Variants in CACNA2D4 observed in about 807,000 individuals in gnomAD.
CACNA2D4 encodes the protein voltage-dependent calcium channel subunit alpha-2/delta-4.
CACNA2D4 carries 157 observed loss-of-function variants against 163.8 expected under a neutral mutation model. The observed-to-expected ratio is 0.96, with a 90% confidence interval of 0.84 to 1.09. CACNA2D4 has a LOEUF of 1.09. Among genes scored for constraint, CACNA2D4 ranks in the 50% least tolerant of loss-of-function variants. The pLI is 0.00. For missense variants in CACNA2D4, 1,410 were observed against 1,479.9 expected, an observed-to-expected ratio of 0.95 and a Z score of 0.78; for synonymous variants, 598 against 586.9, an observed-to-expected ratio of 1.02 and a Z score of -0.27.
rs772848392 is a variant in CACNA2D4 at position 1,831,102 on chromosome 12, A to G, written c.2551+9637T>C. On this transcript the variant is annotated intron_variant, in intron 26 of 37. Coordinates refer to ENST00000382722, the MANE Select transcript of CACNA2D4 (RefSeq NM_172364.5). The stretch of plus-strand genomic sequence containing the variant: ...CCGAACCCTCTTGCTCTTGAACAAT[A>G]AGCTGAGTGCCCTGCCAAGCTGGGC... 3.1e-6 allele frequency: 5 copies of G among 1,614,016 alleles called. No individual in the cohort carries two copies. In the East Asian group the frequency reaches 6.7e-5, roughly 22 times the overall value.
intron 6 of CACNA2D4, among the ~76,000 whole-genome samples, chr12:1,897,010 G>T (rs1866424488): frequency 6.6e-6 from 1 of 152,184 alleles, no homozygotes; most frequent in African/African-American, 2.4e-5. Context: ...ACTGGAGGGT[G>T]TTAAGTGAAA....
At chr12:1,827,994 G>C (rs1044167882) in intron 26 of CACNA2D4, 1 of 531,292 alleles carries the variant, frequency 1.9e-6, no homozygotes, top group Non-Finnish European at 3.2e-6. Flanking sequence ...AGTGTAAAGA[G>C]ACACCCGGGC....
chr12:1,913,046 G>A lies in CACNA2D4; in HGVS notation c.403C>T (p.Arg135Trp), dbSNP rs779055186. The A allele has an allele frequency of 9.3e-6, 15 of 1,613,222 alleles. No individual in the cohort carries two copies. Among genetic ancestry groups the A allele is most frequent in the East Asian group, 8.9e-5 (4 of 44,864 alleles). ...KFSEDMENML[R>W]RKVEAVQNLV... The stretch of plus-strand genomic sequence containing the variant: ...ACCTGGACCGCCTCGACTTTCCTCC[G>A]CAGCATGTTCTCCATGTCCTCTGAG... Residue 135 changes from arginine (R) to tryptophan (W), a missense_variant, in exon 3 of 38, where the codon CGG becomes TGG. Coordinates refer to ENST00000382722, the MANE Select transcript of CACNA2D4 (RefSeq NM_172364.5).
At chr12:1,821,014 C>T (rs1476737256) in intron 26 of CACNA2D4, among the ~76,000 whole-genome samples, 2 of 152,224 alleles carry the variant, frequency 1.3e-5, no homozygotes, top group Non-Finnish European at 2.9e-5. Context: ...ACACTGGGAA[C>T]TCTGAGCCCA....
chr12:1,886,356 G>A lies in CACNA2D4; in HGVS notation c.860C>T (p.Thr287Ile), dbSNP rs758601747. 1 of 1,613,876 alleles carries A rather than the reference G, an allele frequency of 6.2e-7. No homozygotes were observed. The highest frequency in any genetic ancestry group is 2.2e-5 in the East Asian group (1 of 44,880). ...RNRGWYIQAATSPKDIVILVD... is the reference protein window; with the variant it reads ...RNRGWYIQAAISPKDIVILVD... ...CAAAATCACTATGTCCTTGGGAGAAGTAGCAGCTTGAATGTACCTGAAGGA... is the reference window on the plus strand; with the variant it reads ...CAAAATCACTATGTCCTTGGGAGAAATAGCAGCTTGAATGTACCTGAAGGA... The change falls in exon 8 of 38, where the codon ACT becomes ATT. Residue 287 changes from threonine to isoleucine, a missense_variant. Coordinates refer to ENST00000382722, the MANE Select transcript of CACNA2D4 (RefSeq NM_172364.5).
chr12:1,800,212 G>A, intron 32 of CACNA2D4, 160 bp from the exon 33 acceptor site: 1 of 945,468 alleles, frequency 1.1e-6, no homozygotes, highest in Non-Finnish European at 1.6e-6. Context: ...GTCCCTCCCA[G>A]GGGCAGCATG....
At chr12:1,882,841 G>C (rs769847848) in intron 13 of CACNA2D4, 26 bp downstream of exon 13, 7 of 1,612,344 alleles carry the variant, frequency 4.3e-6, no homozygotes, top group African/African-American at 1.3e-5. Flanking sequence ...TGGGCTTCTC[G>C]AGCTGGGAGC....
intron 26 of CACNA2D4, among the ~76,000 whole-genome samples, chr12:1,824,759 G>C (rs1057436576): frequency 1.3e-5 from 2 of 152,224 alleles, no homozygotes; most frequent in African/African-American, 4.8e-5. Context: ...ACTCTTCTGG[G>C]GGTGGGAAGG....
rs781140678 is a variant in CACNA2D4 at position 1,806,641 on chromosome 12, T to G, written c.2721+3637A>C. On this transcript the variant is annotated intron_variant, in intron 29 of 37. Coordinates refer to ENST00000382722, the MANE Select transcript of CACNA2D4 (RefSeq NM_172364.5). This position sits in a 1 kb window ranked among gnomAD's most constrained non-coding sequence, Gnocchi z 4.1. ...GGAAAGTGACAGCAGCCAGCTAAAG[T>G]GCATTGAGATCCACAGCAGCCAGGA... Among the ~76,000 whole-genome samples the G allele has an allele frequency of 1.3e-5, 2 of 152,214 alleles. No homozygotes were observed. Among genetic ancestry groups the G allele is most frequent in the Non-Finnish European group, 2.9e-5 (2 of 68,006 alleles).
intron 18 of CACNA2D4, among the ~76,000 whole-genome samples, chr12:1,861,741 CCTAT>C (rs1393424932): frequency 6.6e-6 from 1 of 152,108 alleles, no homozygotes; most frequent in Non-Finnish European, 1.5e-5. Flanking sequence ...CCATGCTCGG[CCTAT>C]CTTTTTTTTT....
chr12:1,913,657 A>C (rs1866889322), intron 2 of CACNA2D4, among the ~76,000 whole-genome samples: 1 of 152,244 alleles, frequency 6.6e-6, no homozygotes, highest in Admixed American at 6.5e-5. Context: ...CAGCAGCTCC[A>C]GGCACTGAGG....
At chr12:1,795,609 A>G (rs2154444989) in intron 36 of CACNA2D4, 59 bp downstream of exon 36, 6 of 1,238,482 alleles carry the variant, frequency 4.8e-6, no homozygotes, top group Non-Finnish European at 7.1e-6. Context: ...TCTGAGCCCT[A>G]CAGACACCTC....
rs1193002041 is a variant in CACNA2D4 at position 1,800,705 on chromosome 12, G to T, written c.2869-267C>A. 19 of 594,488 alleles carry T rather than the reference G, an allele frequency of 3.2e-5. No homozygotes were observed. The East Asian group carries it at 5.0e-4, about 16-fold the overall frequency. 36.8% of individuals were successfully genotyped at this position (594,488 alleles called of 1,614,324 possible). The stretch of plus-strand genomic sequence containing the variant: ...CATGCCCCTCCAGGAGACGAGTCAA[G>T]CCCTCATCCTGGTGCTGCACTGCTG... On this transcript the variant is annotated intron_variant, in intron 31 of 37. Transcript: ENST00000382722.
At chr12:1,909,061 T>C (rs1866747680) in intron 4 of CACNA2D4, among the ~76,000 whole-genome samples, 1 of 152,202 alleles carries the variant, frequency 6.6e-6, no homozygotes, top group South Asian at 2.1e-4. Context: ...GCTCCTACGC[T>C]GACACCCAAG....
In CACNA2D4 at chr12:1,797,536, C is replaced by T. The variant is rs1409810803; in HGVS notation, c.2996-1G>A. On this transcript the variant is annotated splice_acceptor_variant, in intron 34 of 37. Transcript: ENST00000382722. LOFTEE classifies it high-confidence loss of function. Reference sequence around the variant, plus strand: ...GGGTCCTGCTTCTTGTGTTTGTGGGCTGCGGGCGGAGAAAGGACATCACGC... The same window carrying T: ...GGGTCCTGCTTCTTGTGTTTGTGGGTTGCGGGCGGAGAAAGGACATCACGC... 7 of 1,557,580 alleles carry T rather than the reference C, an allele frequency of 4.5e-6. No individual in the cohort carries two copies. Among genetic ancestry groups the T allele is most frequent in the Non-Finnish European group, 6.1e-6 (7 of 1,151,954 alleles).
Position 1,878,290 on chromosome 12 carries a change from C to A in CACNA2D4, c.1719+25G>T, listed in dbSNP as rs765643445. 32 of 1,598,716 alleles carry A rather than the reference C, an allele frequency of 2.0e-5. No homozygotes were observed. Among genetic ancestry groups the A allele is most frequent in the Middle Eastern group, 1.6e-4 (1 of 6,064 alleles). On this transcript the variant is annotated intron_variant, in intron 16 of 37. Transcript: ENST00000382722. This position sits in a 1 kb window ranked among gnomAD's most constrained non-coding sequence, Gnocchi z 4.6. ...CCCAAATCCCATACAGTAAGGATCC[C>A]AAGGCAAAGAAGATCTGTACCTACC...
In CACNA2D4 at chr12:1,875,080, G is replaced by T. The variant is rs1196666120; in HGVS notation, c.1806+171C>A. ...TGTTATATTTTTATAGTTGTTAAAA[G>T]AATTGCTCATTTTAGGCATTGCTTG... On this transcript the variant is annotated intron_variant, in intron 17 of 37. Transcript: ENST00000382722. This position sits in a 1 kb window ranked among gnomAD's most constrained non-coding sequence, Gnocchi z 4.0. Among the ~76,000 whole-genome samples the T allele has an allele frequency of 2.0e-5, 3 of 152,218 alleles. No individual in the cohort carries two copies. The highest frequency in any genetic ancestry group is 7.2e-5 in the African/African-American group (3 of 41,458).
At position 1,865,025 on chromosome 12, in the gene CACNA2D4, C is replaced by T. The variant is rs555619689; in HGVS notation, c.1879-4819G>A. Among the ~76,000 whole-genome samples, 159 of 152,292 alleles carry T rather than the reference C, an allele frequency of 1.0e-3. 1 individual carries two copies. The highest frequency in any genetic ancestry group is 3.8e-3 in the African/African-American group (158 of 41,564). On this transcript the variant is annotated intron_variant, in intron 18 of 37. Coordinates refer to ENST00000382722, the MANE Select transcript of CACNA2D4 (RefSeq NM_172364.5). Reference sequence around the variant, plus strand: ...CGCGCTCCCGCTGGCTGAGGTCATGCCCAGGTCACCGTCGCGTGGTCCCTC... The same window carrying T: ...CGCGCTCCCGCTGGCTGAGGTCATGTCCAGGTCACCGTCGCGTGGTCCCTC...
rs1292333189 is a variant in CACNA2D4 at position 1,860,178 on chromosome 12, T to C, written c.1907A>G (p.Tyr636Cys). 6.2e-7 allele frequency: 1 copy of C among 1,613,682 alleles called. No homozygotes were observed. The highest frequency in any genetic ancestry group is 8.5e-7 in the Non-Finnish European group (1 of 1,179,772). Reference sequence around the variant, plus strand: ...GGTGTCGCTGATGTCCGTGAAGAAGTAGTCATTGGTCAGGAAAAGAACTCG... The same window carrying C: ...GGTGTCGCTGATGTCCGTGAAGAAGCAGTCATTGGTCAGGAAAAGAACTCG... ...GKRVLFLTND[Y>C]FFTDISDTPF... Residue 636 changes from tyrosine to cysteine, a missense_variant, in exon 19 of 38, where the codon TAC (tyrosine) becomes TGC (cysteine). Coordinates refer to ENST00000382722, the MANE Select transcript of CACNA2D4 (RefSeq NM_172364.5).
Sources: allele counts gnomAD v4.1 joint callset (sites outside exome capture counted in the v4.1 genomes callset), GRCh38; gene constraint gnomAD v4.1.1; non-coding constraint Gnocchi (gnomAD v3.1); transcripts MANE v1.5; gene names NCBI Gene and HGNC (gene_info 2026-07-23, HGNC 2026-07-21).